DLGAP1: variants seen among roughly 807,000 people sequenced by gnomAD.
The protein encoded by DLGAP1 is disks large-associated protein 1.
DLGAP1 carries 11 observed loss-of-function variants against 90.8 expected under a neutral mutation model. That is an observed-to-expected ratio of 0.12 (90% CI 0.08 to 0.20). The LOEUF (loss-of-function observed/expected upper bound fraction) is 0.20, where lower values mean the gene tolerates loss of function less well. Ranked by LOEUF, DLGAP1 falls within the 10% of genes least tolerant of loss-of-function variation. The pLI, the probability that DLGAP1 is intolerant of heterozygous loss-of-function variation, is 1.00. For synonymous variants in DLGAP1, 558 were observed against 540.7 expected (o/e 1.03, Z -0.44); for missense variants, 1,050 against 1,333.8 (o/e 0.79, Z 3.31).
At chr18:3,734,135 T>C (rs760694073) in intron 6 of DLGAP1, among the ~76,000 whole-genome samples, 2 of 152,220 alleles carry the variant, frequency 1.3e-5, no homozygotes, top group African/African-American at 2.4e-5. Context: ...CTTGTTCTGT[T>C]CCTTTGATTT....
chr18:3,973,260 G>A (rs1452061293), intron 3 of DLGAP1, among the ~76,000 whole-genome samples: 1 of 125,268 alleles, frequency 8.0e-6, no homozygotes, highest in Non-Finnish European at 1.7e-5. Flanking sequence ...ACCATTTTCA[G>A]TAAAAGAGAA....
chr18:3,540,047 A>G (rs1341124103), intron 9 of DLGAP1, among the ~76,000 whole-genome samples: 1 of 152,224 alleles, frequency 6.6e-6, no homozygotes, highest in Non-Finnish European at 1.5e-5. Context: ...CTACTCCTAG[A>G]AAGTGCAACC....
chr18:4,272,263 C>T (rs1272606916), intron 1 of DLGAP1, among the ~76,000 whole-genome samples: 1 of 152,126 alleles, frequency 6.6e-6, no homozygotes, highest in African/African-American at 2.4e-5. Flanking sequence ...ATAAGATTTC[C>T]TCATCTGCAG....
intron 4 of DLGAP1, among the ~76,000 whole-genome samples, chr18:3,863,793 C>A (rs1277979958): frequency 6.6e-6 from 1 of 152,236 alleles, no homozygotes. Flanking sequence ...GAGCCTGCAA[C>A]CTCCCAGGCC....
intron 10 of DLGAP1, among the ~76,000 whole-genome samples, chr18:3,518,959 C>G (rs2051006129): frequency 6.6e-6 from 1 of 152,188 alleles, no homozygotes. Context: ...ACAAGTGTCA[C>G]TGATTGGTGA....
At chr18:4,256,963 C>T (rs1279496600) in intron 1 of DLGAP1, among the ~76,000 whole-genome samples, 1 of 152,166 alleles carries the variant, frequency 6.6e-6, no homozygotes, top group Non-Finnish European at 1.5e-5. Context: ...GCACTGTCAA[C>T]ACTCACACAG....
intron 8 of DLGAP1, chr18:3,580,591 G>C: frequency 6.3e-7 from 1 of 1,587,528 alleles, no homozygotes. Context: ...TGCCCATGGA[G>C]ACTAGAGAGA....
chr18:4,452,997 C>G (rs2083872191), intron 1 of DLGAP1, among the ~76,000 whole-genome samples: 1 of 152,118 alleles, frequency 6.6e-6, no homozygotes, highest in African/African-American at 2.4e-5. Context: ...AAATAGATAG[C>G]TATAAATTTA....
At chr18:3,647,515 A>T (rs2059162907) in intron 7 of DLGAP1, among the ~76,000 whole-genome samples, 1 of 151,034 alleles carries the variant, frequency 6.6e-6, no homozygotes, top group Non-Finnish European at 1.5e-5. Flanking sequence ...ACCCAGGCTG[A>T]AGTGTAATGG....
At position 4,314,198 on chromosome 18, in the gene DLGAP1, T is replaced by G. The variant is rs556062044; in HGVS notation, c.-267+140808A>C. 2.0e-5 allele frequency among the ~76,000 whole-genome samples: 3 copies of G among 152,288 alleles called. No homozygotes were observed. The East Asian group carries it at 5.8e-4, about 29-fold the overall frequency. Reference sequence around the variant, plus strand: ...GACCTTTATCTATATTCTGAGCAACTTGGCAGCACATTGATTCAGAACTGG... The same window carrying G: ...GACCTTTATCTATATTCTGAGCAACGTGGCAGCACATTGATTCAGAACTGG... On this transcript the variant is annotated intron_variant, in intron 1 of 12. Transcript: ENST00000315677.
At chr18:4,093,621 G>A (rs540381381) in intron 2 of DLGAP1, among the ~76,000 whole-genome samples, 1 of 151,914 alleles carries the variant, frequency 6.6e-6, no homozygotes, top group African/African-American at 2.4e-5. Flanking sequence ...CTCCAACTTT[G>A]TACAATAAGG....
rs1167667309 is a variant in DLGAP1, at chr18:3,517,671, G to A, written c.2480-9010C>T. Among the ~76,000 whole-genome samples, 1 of 152,108 alleles carries A rather than the reference G, an allele frequency of 6.6e-6. No homozygotes were observed. Among genetic ancestry groups the A allele is most frequent in the Non-Finnish European group, 1.5e-5 (1 of 68,028 alleles). On this transcript the variant is annotated intron_variant, in intron 10 of 12. Transcript: ENST00000315677. This position sits in a 1 kb window ranked among gnomAD's most constrained non-coding sequence, Gnocchi z 4.1. ...AGTCTCTACTAAAAATACAAAATTA[G>A]TCAGGCACGGTGGCGCATGCCTGTA...
At chr18:3,568,855 T>C (rs1003452972) in intron 8 of DLGAP1, among the ~76,000 whole-genome samples, 1 of 151,314 alleles carries the variant, frequency 6.6e-6, no homozygotes, top group Admixed American at 6.6e-5. Flanking sequence ...CCTGGCTAAT[T>C]TTTTATATTT....
chr18:3,829,493 C>T (rs1320158542), intron 4 of DLGAP1, among the ~76,000 whole-genome samples: 1 of 151,784 alleles, frequency 6.6e-6, no homozygotes, highest in Non-Finnish European at 1.5e-5. Flanking sequence ...TTGGGGGAAT[C>T]TCTAGAGGCC....
intron 7 of DLGAP1, chr18:3,594,404 C>T (rs1445205045): frequency 7.4e-6 from 1 of 134,474 alleles, no homozygotes; most frequent in Admixed American, 8.6e-5. Context: ...TTGACGCGGG[C>T]AGTCCTACTC....
intron 7 of DLGAP1, among the ~76,000 whole-genome samples, chr18:3,692,823 AAAC>A (rs58223181): frequency 0.012 from 1,799 of 152,350 alleles, 24 homozygotes; most frequent in Non-Finnish European, 0.018. Context: ...CTGGAAATTC[AAAC>A]AACTTCTCTA....
intron 1 of DLGAP1, among the ~76,000 whole-genome samples, chr18:4,307,785 A>G (rs2080299295): frequency 6.9e-6 from 1 of 144,116 alleles, no homozygotes; most frequent in African/African-American, 2.6e-5. Flanking sequence ...GCATGATCTC[A>G]GCTCACTGCA....
At chr18:4,012,535 G>A (rs2074444694) in intron 2 of DLGAP1, among the ~76,000 whole-genome samples, 1 of 152,164 alleles carries the variant, frequency 6.6e-6, no homozygotes, top group South Asian at 2.1e-4. Flanking sequence ...CTATCCCCAA[G>A]CTACAGAGGG....
chr18:3,862,453 C>T (rs187534017), intron 4 of DLGAP1, among the ~76,000 whole-genome samples: 31 of 152,312 alleles, frequency 2.0e-4, no homozygotes, highest in African/African-American at 5.3e-4. Flanking sequence ...CAGCAACTAC[C>T]GCCCAAAACT....
Sources: allele counts gnomAD v4.1 joint callset (sites outside exome capture counted in the v4.1 genomes callset), GRCh38; gene constraint gnomAD v4.1.1; non-coding constraint Gnocchi (gnomAD v3.1); transcripts MANE v1.5; gene names NCBI Gene and HGNC (gene_info 2026-07-23, HGNC 2026-07-21).